GFRAL: variants seen among roughly 807,000 people sequenced by gnomAD.
The protein encoded by GFRAL is GDNF family receptor alpha like.
In GFRAL, 36 loss-of-function variants were observed where a neutral mutation model predicts 45.4. The observed-to-expected ratio is 0.79, with a 90% CI of 0.61 to 1.05. The LOEUF is 1.05. GFRAL is among the 50% of genes least tolerant of loss of function. The pLI is 0.00. For missense variants in GFRAL, 507 were observed against 467.5 expected (o/e 1.08, Z -0.78); for synonymous variants, 166 against 154.1 (o/e 1.08, Z -0.57).
At chr6:55,346,842 C>CAA (rs35145939) in intron 3 of GFRAL, among the ~76,000 whole-genome samples, 2,664 of 98,196 alleles carry the variant, frequency 0.027, 72 homozygotes, top group Non-Finnish European at 0.034. Context: ...CCCCCCCCCC[C>CAA]AAAAAAAAGA....
At chr6:55,340,917 C>T (rs573643191) in intron 3 of GFRAL, among the ~76,000 whole-genome samples, 13 of 152,174 alleles carry the variant, frequency 8.5e-5, no homozygotes, top group Non-Finnish European at 1.9e-4. Context: ...CATGGAGCCT[C>T]GCTCATTCCT....
intron 5 of GFRAL, among the ~76,000 whole-genome samples, chr6:55,355,737 G>T (rs572717978): frequency 2.8e-4 from 43 of 151,898 alleles, no homozygotes; most frequent in Middle Eastern, 3.4e-3. Context: ...TAATTGCTGG[G>T]CTAGGACTTC....
intron 6 of GFRAL, among the ~76,000 whole-genome samples, chr6:55,368,773 C>A (rs1046452259): frequency 3.3e-5 from 5 of 152,296 alleles, no homozygotes; most frequent in Admixed American, 2.0e-4. Context: ...GGGTCAGGGA[C>A]CCACCTGAGG....
At chr6:55,361,820 C>T (rs553197064) in intron 6 of GFRAL, among the ~76,000 whole-genome samples, 1 of 152,124 alleles carries the variant, frequency 6.6e-6, no homozygotes, top group South Asian at 2.1e-4. Flanking sequence ...CAGTATGTTT[C>T]TAAAACCCTT....
intron 3 of GFRAL, among the ~76,000 whole-genome samples, chr6:55,345,547 G>A (rs577523696): frequency 1.4e-4 from 21 of 152,266 alleles, no homozygotes; most frequent in African/African-American, 5.1e-4. Context: ...ATTAACTCAA[G>A]ATGGATTAAA....
chr6:55,330,582 G>T (rs11963659), intron 1 of GFRAL, among the ~76,000 whole-genome samples: 1,575 of 152,200 alleles, frequency 0.01, 24 homozygotes, highest in African/African-American at 0.036. Context: ...GAAAAAGAAA[G>T]AAAATACTTA....
At chr6:55,386,016 A>G (rs1282244702) in intron 6 of GFRAL, among the ~76,000 whole-genome samples, 1 of 152,096 alleles carries the variant, frequency 6.6e-6, no homozygotes, top group East Asian at 1.9e-4. Flanking sequence ...GTGACTATTT[A>G]TTTAATATTA....
chr6:55,358,406 T>C (rs950104148), intron 5 of GFRAL, among the ~76,000 whole-genome samples: 7 of 151,984 alleles, frequency 4.6e-5, no homozygotes, highest in African/African-American at 1.7e-4. Flanking sequence ...CACAACATAT[T>C]GTAAATTCTA....
chr6:55,341,854 G>T (rs1471950071), intron 3 of GFRAL, among the ~76,000 whole-genome samples: 1 of 152,108 alleles, frequency 6.6e-6, no homozygotes, highest in South Asian at 2.1e-4. Context: ...GAAAACCATG[G>T]CACGAGAACT....
At chr6:55,347,969 A>G (rs1012403693) in intron 3 of GFRAL, among the ~76,000 whole-genome samples, 4 of 152,000 alleles carry the variant, frequency 2.6e-5, no homozygotes, top group Non-Finnish European at 4.4e-5. Context: ...ATAAAATATA[A>G]ATCAAAATAT....
In GFRAL at chr6:55,375,963, T is replaced by C. The variant is rs1271318521; in HGVS notation, c.952+16825T>C. Among the ~76,000 whole-genome samples the C allele has an allele frequency of 5.3e-5, 8 of 152,158 alleles. 1 individual carries two copies. Among genetic ancestry groups the C allele is most frequent in the Admixed American group, 5.2e-4 (8 of 15,264 alleles). ...TGTTCAAGGGGAATGCCTCCAGCTT[T>C]TGCACATTCAGTATAATATTGGTTG... On this transcript the variant is annotated intron_variant, in intron 6 of 8. Coordinates refer to ENST00000340465, the MANE Select transcript of GFRAL (RefSeq NM_207410.2).
intron 1 of GFRAL, among the ~76,000 whole-genome samples, chr6:55,327,837 A>T (rs904037390): frequency 3.3e-5 from 5 of 152,046 alleles, no homozygotes; most frequent in African/African-American, 1.2e-4. Flanking sequence ...GTATAGAATG[A>T]CCCAATGACT....
chr6:55,344,757 G>C lies in GFRAL; in HGVS notation c.317-5335G>C, dbSNP rs138634150. ...GAAAAGAGAAAGTCAAATTGTCCCT[G>C]TTTGCAGATGACATGACTGTATATT... On this transcript the variant is annotated intron_variant, in intron 3 of 8. Transcript: ENST00000340465. Among the ~76,000 whole-genome samples, 6 of 152,290 alleles carry C rather than the reference G, an allele frequency of 3.9e-5. No homozygotes were observed. In the East Asian group the frequency reaches 1.2e-3, roughly 29 times the overall value.
intron 3 of GFRAL, among the ~76,000 whole-genome samples, chr6:55,346,092 G>A (rs1247008377): frequency 6.6e-6 from 1 of 152,180 alleles, no homozygotes; most frequent in Non-Finnish European, 1.5e-5. Flanking sequence ...CACTGTTGGT[G>A]GGACTGTAAA....
At chr6:55,328,287 A>G (rs939165466) in intron 1 of GFRAL, among the ~76,000 whole-genome samples, 72 of 152,116 alleles carry the variant, frequency 4.7e-4, no homozygotes, top group African/African-American at 1.7e-3. Context: ...AGCATTTGGT[A>G]GAATCTATAA....
In GFRAL at chr6:55,327,483, T is replaced by C; in HGVS notation, c.-72T>C. On this transcript the variant is annotated 5_prime_UTR_variant, in exon 1 of 9. Coordinates refer to ENST00000340465, the MANE Select transcript of GFRAL (RefSeq NM_207410.2). ...AGGCTGAAGCCTTATTCTGGACAGT[T>C]ACTCTTAAGAAAGTTGTCAGAAGAA... 1.3e-6 allele frequency: 2 copies of C among 1,533,960 alleles called. No individual in the cohort carries two copies. The highest frequency in any genetic ancestry group is 9.0e-7 in the Non-Finnish European group (1 of 1,110,064).
At chr6:55,337,766 C>T (rs1468538885) in intron 3 of GFRAL, among the ~76,000 whole-genome samples, 2 of 152,132 alleles carry the variant, frequency 1.3e-5, no homozygotes, top group African/African-American at 4.8e-5. Context: ...ATATCTGTAG[C>T]AGTTGCAGTG....
chr6:55,351,387 G>C lies in GFRAL; in HGVS notation c.505G>C (p.Ala169Pro). The change falls in exon 5 of 9, where the codon GCA becomes CCA. Residue 169 changes from alanine (A) to proline (P), a missense_variant. Coordinates refer to ENST00000340465, the MANE Select transcript of GFRAL (RefSeq NM_207410.2). ...TCCGTGTGATCTGAAACAGTGCCAA[G>C]CAGCCATACGGTTCTTCTATCAAAA... ...GNPCDLKQCQ[A>P]AIRFFYQNIP... 6.2e-7 allele frequency: 1 copy of C among 1,613,656 alleles called. No individual in the cohort carries two copies. Among genetic ancestry groups the C allele is most frequent in the Non-Finnish European group, 8.5e-7 (1 of 1,179,762 alleles).
At chr6:55,367,989 G>T (rs1187610460) in intron 6 of GFRAL, among the ~76,000 whole-genome samples, 4 of 146,282 alleles carry the variant, frequency 2.7e-5, no homozygotes, top group Admixed American at 6.8e-5. Flanking sequence ...ACGTTGGCCT[G>T]CCTTCCTAGA....
Sources: gnomAD v4.1 joint callset for allele counts (sites outside exome capture counted in the v4.1 genomes callset) on GRCh38, gnomAD v4.1.1 for gene constraint, MANE v1.5 for transcripts, NCBI Gene and HGNC (gene_info 2026-07-23, HGNC 2026-07-21) for gene names.